Variants in PIK3C3 observed in about 807,000 individuals in gnomAD.
PIK3C3 encodes PI3-kinase type 3.
Under a neutral mutation model 126.1 loss-of-function variants are expected in PIK3C3, and 95 were observed. The observed-to-expected ratio is 0.75, with a 90% confidence interval of 0.64 to 0.89. The LOEUF is 0.89. Ranked by LOEUF, PIK3C3 falls within the 40% of genes least tolerant of loss-of-function variation. The pLI is 0.00. For missense variants in PIK3C3, 829 were observed against 1,063.2 expected, an observed-to-expected ratio of 0.78 and a Z score of 3.06; for synonymous variants, 374 against 360.0, an observed-to-expected ratio of 1.04 and a Z score of -0.44.
chr18:41,955,533 T>C (rs1979725682), intron 1 of PIK3C3, 174 bp downstream of exon 1: 1 of 563,198 alleles, frequency 1.8e-6, no homozygotes, highest in South Asian at 2.2e-5. Context: ...GGAGAGGGGC[T>C]CTTTTGGAAA....
rs1489264411 is a variant in PIK3C3 at position 42,076,119 on chromosome 18, TATGCGCATATATATATATATATATGC to T, written c.2650-5003_2650-4978del. Among the ~76,000 whole-genome samples the T allele has an allele frequency of 5.1e-4, 33 of 64,854 alleles. 1 individual carries two copies. The highest frequency in any genetic ancestry group is 1.5e-3 in the African/African-American group (19 of 12,462). 42.5% of individuals were successfully genotyped at this position (64,854 alleles called of 152,430 possible). ...ATATATATATATATATATATATATA[TATGCGCATATATATATATATATATGC>T]GCATATATATATATATGCACATATA... On this transcript the variant is annotated intron_variant, in intron 24 of 24. Coordinates refer to ENST00000262039, the MANE Select transcript of PIK3C3 (RefSeq NM_002647.4).
At chr18:42,070,594 T>A (rs906923957) in intron 24 of PIK3C3, 1 of 152,162 alleles carries the variant, frequency 6.6e-6, no homozygotes, top group African/African-American at 2.4e-5. Context: ...AGAAGGACTT[T>A]GGTTTACCAA....
chr18:41,957,484 CATATATGTACATGCTTAGTACTTATGT>C (rs1289251216), intron 1 of PIK3C3, 59 bp from the exon 2 acceptor site: 6 of 1,307,322 alleles, frequency 4.6e-6, no homozygotes, highest in Non-Finnish European at 6.3e-6. Context: ...ATGCTTAAAG[CATATATGTACATGCTTAGTACTTATGT>C]ATATATGTAC....
intron 21 of PIK3C3, among the ~76,000 whole-genome samples, chr18:42,055,142 C>T (rs1157158727): frequency 6.6e-6 from 1 of 151,994 alleles, no homozygotes; most frequent in East Asian, 1.9e-4. Context: ...CATGAATGGC[C>T]TGGTACTGTG....
At chr18:42,001,642 T>A (rs1397454826) in intron 9 of PIK3C3, among the ~76,000 whole-genome samples, 3 of 152,188 alleles carry the variant, frequency 2.0e-5, no homozygotes, top group African/African-American at 7.2e-5. Flanking sequence ...TAAAAAGTTG[T>A]GAAATTCTTT....
In PIK3C3 at chr18:41,990,460, G is replaced by T; in HGVS notation, c.620G>T (p.Ser207Ile). 6.5e-7 allele frequency: 1 copy of T among 1,541,686 alleles called. No individual in the cohort carries two copies. The highest frequency in any genetic ancestry group is 1.1e-5 in the South Asian group (1 of 88,910). Residue 207 changes from serine (S) to isoleucine (I), a missense_variant and splice_region_variant, in exon 6 of 25, where the codon AGT (serine) becomes ATT (isoleucine). By Grantham distance (142) the Ser-to-Ile change is moderately radical. Coordinates refer to ENST00000262039, the MANE Select transcript of PIK3C3 (RefSeq NM_002647.4). ...TFREIEMINESEKRSSNFMYL... is the reference protein window; with the variant it reads ...TFREIEMINEIEKRSSNFMYL... The stretch of plus-strand genomic sequence containing the variant: ...CATGAAAATCATTTTTTTTTTCAGA[G>T]TGAAAAACGAAGTTCTAATTTCATG...
intron 5 of PIK3C3, among the ~76,000 whole-genome samples, chr18:41,988,526 AATTAT>A (rs1981609876): frequency 6.6e-6 from 1 of 152,134 alleles, no homozygotes; most frequent in Admixed American, 6.6e-5. Context: ...CAGAAACAAT[AATTAT>A]ATTAATCAAA....
At chr18:42,067,009 G>T (rs2144520153) in intron 23 of PIK3C3, among the ~76,000 whole-genome samples, 2 of 152,012 alleles carry the variant, frequency 1.3e-5, no homozygotes, top group Non-Finnish European at 2.9e-5. Flanking sequence ...GAATAAAGTG[G>T]ATTATTAATA....
intron 13 of PIK3C3, among the ~76,000 whole-genome samples, chr18:42,022,231 C>T (rs997596165): frequency 1.3e-5 from 2 of 152,130 alleles, no homozygotes; most frequent in African/African-American, 4.8e-5. Flanking sequence ...TGTTGGTGTG[C>T]TGCACCCGGT....
intron 4 of PIK3C3, among the ~76,000 whole-genome samples, chr18:41,982,627 A>G (rs762058732): frequency 2.0e-5 from 3 of 152,206 alleles, no homozygotes; most frequent in Non-Finnish European, 2.9e-5. Flanking sequence ...TACTACAAAG[A>G]TAATATACAT....
intron 15 of PIK3C3, among the ~76,000 whole-genome samples, chr18:42,029,800 C>G (rs1983746722): frequency 6.6e-6 from 1 of 152,048 alleles, no homozygotes; most frequent in Non-Finnish European, 1.5e-5. Context: ...GCCTCAACCT[C>G]CCAAAGTGCT....
chr18:41,977,044 A>G (rs1980956505), intron 4 of PIK3C3, among the ~76,000 whole-genome samples: 1 of 152,196 alleles, frequency 6.6e-6, no homozygotes, highest in Non-Finnish European at 1.5e-5. Context: ...TAAAATTGAA[A>G]ATAGGAGAAA....
At chr18:41,966,746 G>A (rs926567489) in intron 3 of PIK3C3, among the ~76,000 whole-genome samples, 1 of 152,108 alleles carries the variant, frequency 6.6e-6, no homozygotes, top group Non-Finnish European at 1.5e-5. Context: ...TAATTAGAAT[G>A]GTTCTGTTTT....
chr18:42,032,467 T>C (rs1417583923), intron 15 of PIK3C3, among the ~76,000 whole-genome samples: 1 of 152,014 alleles, frequency 6.6e-6, no homozygotes, highest in African/African-American at 2.4e-5. Context: ...TAAGAAACTG[T>C]AGGAGGGTGA....
chr18:42,070,603 A>G (rs1330689586), intron 24 of PIK3C3: 1 of 152,196 alleles, frequency 6.6e-6, no homozygotes, highest in Non-Finnish European at 1.5e-5. Context: ...TTGGTTTACC[A>G]AAGTCTCTGG....
intron 5 of PIK3C3, among the ~76,000 whole-genome samples, chr18:41,988,379 T>C (rs1294516727): frequency 6.6e-6 from 1 of 152,186 alleles, no homozygotes; most frequent in Non-Finnish European, 1.5e-5. Context: ...TGACCTTGTA[T>C]GTGAGCCAGT....
At chr18:41,964,488 C>T (rs1360157799) in intron 3 of PIK3C3, among the ~76,000 whole-genome samples, 3 of 151,972 alleles carry the variant, frequency 2.0e-5, no homozygotes, top group Non-Finnish European at 4.4e-5. Context: ...TGTTACATTA[C>T]TAAATACATT....
intron 4 of PIK3C3, among the ~76,000 whole-genome samples, chr18:41,985,745 T>C (rs1981441534): frequency 6.6e-6 from 1 of 152,136 alleles, no homozygotes; most frequent in Non-Finnish European, 1.5e-5. Context: ...CATACATTCT[T>C]TAGTAGCTCT....
intron 20 of PIK3C3, among the ~76,000 whole-genome samples, chr18:42,048,086 C>T (rs974317845): frequency 3.3e-5 from 5 of 152,210 alleles, no homozygotes; most frequent in Non-Finnish European, 7.3e-5. Context: ...CTCCCTTCAT[C>T]TAGATACCCT....
Sources: gnomAD v4.1 joint callset for allele counts (sites outside exome capture counted in the v4.1 genomes callset) on GRCh38, gnomAD v4.1.1 for gene constraint, MANE v1.5 for transcripts, NCBI Gene and HGNC (gene_info 2026-07-23, HGNC 2026-07-21) for gene names.